SORCS2: variants seen among roughly 807,000 people sequenced by gnomAD.
The protein encoded by SORCS2 is VPS10 domain-containing receptor SorCS2.
Under a neutral mutation model 141.6 loss-of-function variants are expected in SORCS2, and 100 were observed. The ratio of observed to expected loss-of-function variants is 0.71; its 90% confidence interval spans 0.60 to 0.83. SORCS2 has a LOEUF of 0.83. Among genes scored for constraint, SORCS2 ranks in the 40% least tolerant of loss-of-function variants. SORCS2 has a pLI of 0.00. For missense variants in SORCS2, 1,646 were observed against 1,560.2 expected (o/e 1.05, Z -0.93); for synonymous variants, 789 against 676.9 (o/e 1.17, Z -2.57).
At chr4:7,293,836 C>G (rs1435338383) in intron 1 of SORCS2, among the ~76,000 whole-genome samples, 2 of 152,146 alleles carry the variant, frequency 1.3e-5, no homozygotes, top group Non-Finnish European at 2.9e-5. Context: ...AAATTAGCGT[C>G]TCTCTTTCAT....
At chr4:7,736,431 G>GC (rs1712171824) in intron 25 of SORCS2, among the ~76,000 whole-genome samples, 1 of 152,196 alleles carries the variant, frequency 6.6e-6, no homozygotes, top group African/African-American at 2.4e-5. Flanking sequence ...ATCTGAGAAA[G>GC]CCCCCCTCTC....
At chr4:7,704,103 C>T in intron 13 of SORCS2, 74 bp from the exon 14 acceptor site, 2 of 1,409,412 alleles carry the variant, frequency 1.4e-6, no homozygotes, top group Non-Finnish European at 9.8e-7. Flanking sequence ...TCCAGCTGGA[C>T]CCGCCGGGCA....
intron 3 of SORCS2, among the ~76,000 whole-genome samples, chr4:7,541,747 T>C (rs1712678963): frequency 6.6e-6 from 1 of 152,054 alleles, no homozygotes; most frequent in South Asian, 2.1e-4. Flanking sequence ...GTGTGCAGGG[T>C]CAGCGCCTCC....
chr4:7,256,041 G>T (rs1266063625), intron 1 of SORCS2, among the ~76,000 whole-genome samples: 1 of 152,150 alleles, frequency 6.6e-6, no homozygotes, highest in Non-Finnish European at 1.5e-5. Flanking sequence ...CCCCACTGGG[G>T]CTGGCCTTGC....
chr4:7,424,126 A>C (rs79044331), intron 2 of SORCS2, among the ~76,000 whole-genome samples: 5,198 of 152,234 alleles, frequency 0.034, 294 homozygotes, highest in African/African-American at 0.12. Flanking sequence ...CCTGGGTCTC[A>C]CATTGTTCCT....
At chr4:7,600,024 G>A (rs549003354) in intron 3 of SORCS2, among the ~76,000 whole-genome samples, 7 of 151,940 alleles carry the variant, frequency 4.6e-5, no homozygotes, top group Non-Finnish European at 8.8e-5. Context: ...GTTTCATCAT[G>A]TTGACCAGGC....
In SORCS2 at chr4:7,725,292, G is replaced by T. The variant is rs34169255; in HGVS notation, c.2745+5G>T. ...TGGATCGGCCACAGCCTGCAGGTGC[G>T]CTGGCTTTGCCCCAACTCAGCCCTT... On this transcript the variant is annotated splice_donor_5th_base_variant and intron_variant, in intron 20 of 26. Transcript: ENST00000507866. 306 of 1,610,964 alleles carry T rather than the reference G, an allele frequency of 1.9e-4. 3 individuals are homozygous for T. The African/African-American group carries it at 3.7e-3, about 20-fold the overall frequency.
chr4:7,689,647 A>G, intron 11 of SORCS2, 59 bp downstream of exon 11: 1 of 1,470,318 alleles, frequency 6.8e-7, no homozygotes, highest in Non-Finnish European at 9.3e-7. Context: ...GAGTACCTCC[A>G]ATCTTAAGGG....
chr4:7,443,681 T>G (rs1043780948), intron 2 of SORCS2, among the ~76,000 whole-genome samples: 2 of 152,222 alleles, frequency 1.3e-5, no homozygotes, highest in African/African-American at 4.8e-5. Flanking sequence ...CTCAGGACTT[T>G]GGGGCCTTGA....
chr4:7,697,358 C>T, intron 12 of SORCS2, 84 bp downstream of exon 12: 1 of 1,195,988 alleles, frequency 8.4e-7, no homozygotes, highest in Non-Finnish European at 1.2e-6. Flanking sequence ...TCATCCCGTC[C>T]ATTCCAGAGG....
intron 1 of SORCS2, among the ~76,000 whole-genome samples, chr4:7,240,531 C>T (rs996769159): frequency 2.0e-5 from 3 of 152,138 alleles, no homozygotes; most frequent in African/African-American, 4.8e-5. Context: ...TCCCCGTCCT[C>T]GTGGTGGAGG....
chr4:7,453,350 G>A (rs1224692924), intron 2 of SORCS2, among the ~76,000 whole-genome samples: 1 of 141,580 alleles, frequency 7.1e-6, no homozygotes, highest in Non-Finnish European at 1.5e-5. Flanking sequence ...CAGGCACTGT[G>A]CTGGGGTCAG....
chr4:7,239,110 G>C (rs6446585), intron 1 of SORCS2, among the ~76,000 whole-genome samples: 28,601 of 152,176 alleles, frequency 0.19, 3,560 homozygotes, highest in African/African-American at 0.35. Flanking sequence ...CTCCCCAGAG[G>C]CTCCTTCAAA....
chr4:7,671,479 G>A (rs1232631879), intron 8 of SORCS2, among the ~76,000 whole-genome samples: 1 of 151,990 alleles, frequency 6.6e-6, no homozygotes, highest in African/African-American at 2.4e-5. Flanking sequence ...AGAAAATGAT[G>A]TATGGACAAA....
intron 1 of SORCS2, among the ~76,000 whole-genome samples, chr4:7,197,681 G>A (rs1727249247): frequency 6.6e-6 from 1 of 152,208 alleles, no homozygotes. Context: ...AATGCATTGT[G>A]CATGGAGACA....
At chr4:7,707,373 A>G (rs4689831) in intron 14 of SORCS2, among the ~76,000 whole-genome samples, 89,957 of 152,010 alleles carry the variant, frequency 0.59, 26,779 homozygotes, top group Admixed American at 0.69. Flanking sequence ...GGATTTAGCA[A>G]CAAGAAGCCA....
At chr4:7,300,453 C>T (rs1717361127) in intron 1 of SORCS2, among the ~76,000 whole-genome samples, 1 of 152,190 alleles carries the variant, frequency 6.6e-6, no homozygotes, top group African/African-American at 2.4e-5. Context: ...TCTCACCAAG[C>T]CCTGCTGAGC....
chr4:7,305,221 T>G (rs371903201), intron 1 of SORCS2, among the ~76,000 whole-genome samples: 2 of 152,064 alleles, frequency 1.3e-5, no homozygotes, highest in Non-Finnish European at 2.9e-5. Flanking sequence ...TTAGTAGAGA[T>G]GGGGTTTCAC....
intron 2 of SORCS2, among the ~76,000 whole-genome samples, chr4:7,429,250 C>T (rs1726663878): frequency 6.6e-6 from 1 of 152,142 alleles, no homozygotes; most frequent in Non-Finnish European, 1.5e-5. Flanking sequence ...GTGGGCTTCC[C>T]TGGTGCTGCT....
Sources: gnomAD v4.1 joint callset for allele counts (sites outside exome capture counted in the v4.1 genomes callset) on GRCh38, gnomAD v4.1.1 for gene constraint, MANE v1.5 for transcripts, NCBI Gene and HGNC (gene_info 2026-07-23, HGNC 2026-07-21) for gene names.